ME1: variants seen among roughly 807,000 people sequenced by gnomAD.
ME1 encodes NADP-dependent malic enzyme.
A neutral mutation model predicts 66.4 loss-of-function variants in ME1; 74 were observed. The observed-to-expected ratio is 1.11, with a 90% CI of 0.92 to 1.35. The LOEUF is 1.35. Among genes scored for constraint, ME1 ranks in the 40% most tolerant of loss-of-function variants. The probability of loss-of-function intolerance (pLI) is 0.00; values close to 1 mark genes in which losing one functional copy is unlikely to be tolerated. For synonymous variants in ME1, 251 were observed against 235.6 expected, an observed-to-expected ratio of 1.07 and a Z score of -0.60; for missense variants, 750 against 694.1, an observed-to-expected ratio of 1.08 and a Z score of -0.90.
chr6:83,307,884 G>T (rs916782458), intron 6 of ME1, among the ~76,000 whole-genome samples: 5 of 152,012 alleles, frequency 3.3e-5, no homozygotes, highest in Admixed American at 3.3e-4. Flanking sequence ...AATAATTAAA[G>T]AAATAAATTT....
At chr6:83,422,519 A>G (rs1770287650) in intron 1 of ME1, among the ~76,000 whole-genome samples, 1 of 152,242 alleles carries the variant, frequency 6.6e-6, no homozygotes, top group Non-Finnish European at 1.5e-5. Flanking sequence ...ACCAATCCTG[A>G]GGTGTCAGAC....
chr6:83,393,366 C>G, intron 3 of ME1: 1 of 877,978 alleles, frequency 1.1e-6, no homozygotes. Flanking sequence ...GCTGCAGCAA[C>G]AGGGTGGTGG....
intron 9 of ME1, among the ~76,000 whole-genome samples, chr6:83,233,498 T>C (rs1451941412): frequency 1.3e-5 from 2 of 152,164 alleles, no homozygotes; most frequent in East Asian, 1.9e-4. Flanking sequence ...GTGTAAATGA[T>C]GGAAAATGCT....
chr6:83,327,459 C>T lies in ME1; in HGVS notation c.601-12046G>A, dbSNP rs140319600. Among the ~76,000 whole-genome samples, 153 of 152,088 alleles carry T rather than the reference C, an allele frequency of 1.0e-3. 1 individual carries two copies. The highest frequency in any genetic ancestry group is 1.4e-3 in the Non-Finnish European group (95 of 67,960). ...ACCTAGGGGTAGGTCTCTGAACTGG[C>T]CCCCCCGGGGCACACCTGTCTCTTA... is the stretch of plus-strand genomic sequence containing the variant. On this transcript the variant is annotated intron_variant, in intron 5 of 13. Transcript: ENST00000369705.
At chr6:83,430,133 G>A (rs1168341516) in intron 1 of ME1, among the ~76,000 whole-genome samples, 2 of 152,106 alleles carry the variant, frequency 1.3e-5, no homozygotes, top group African/African-American at 2.4e-5. Flanking sequence ...TTAATAAAAA[G>A]AGAGCAGCTC....
At chr6:83,351,138 T>C (rs1192279649) in intron 4 of ME1, among the ~76,000 whole-genome samples, 3 of 152,106 alleles carry the variant, frequency 2.0e-5, no homozygotes, top group Admixed American at 6.6e-5. Flanking sequence ...CTCACACCTA[T>C]TGTTTCAATA....
chr6:83,378,558 A>G (rs1377146662), intron 3 of ME1, among the ~76,000 whole-genome samples: 1 of 152,184 alleles, frequency 6.6e-6, no homozygotes, highest in Admixed American at 6.6e-5. Context: ...ATCTTTGCCG[A>G]AGACAGTTTG....
intron 3 of ME1, among the ~76,000 whole-genome samples, chr6:83,361,220 G>T (rs1243906908): frequency 3.3e-5 from 5 of 152,188 alleles, no homozygotes; most frequent in Non-Finnish European, 5.9e-5. Flanking sequence ...AAAATTCAGT[G>T]ATCACCTACC....
intron 6 of ME1, among the ~76,000 whole-genome samples, chr6:83,271,357 T>C (rs749959991): frequency 6.6e-6 from 1 of 152,192 alleles, no homozygotes; most frequent in Non-Finnish European, 1.5e-5. Context: ...AAAAGAGCTG[T>C]GTGGCAGTTT....
intron 4 of ME1, among the ~76,000 whole-genome samples, chr6:83,347,550 G>GC (rs1360736376): frequency 6.6e-6 from 1 of 152,136 alleles, no homozygotes; most frequent in Non-Finnish European, 1.5e-5. Context: ...TTTCAGAGTA[G>GC]CTGTATAAAA....
chr6:83,397,452 C>G (rs1055870078), intron 3 of ME1, among the ~76,000 whole-genome samples: 2 of 152,094 alleles, frequency 1.3e-5, no homozygotes, highest in African/African-American at 2.4e-5. Context: ...GTTAGAACGG[C>G]TATACCAAAA....
At chr6:83,343,998 C>T (rs912870086) in intron 5 of ME1, among the ~76,000 whole-genome samples, 3 of 151,224 alleles carry the variant, frequency 2.0e-5, no homozygotes, top group African/African-American at 7.3e-5. Flanking sequence ...CAATAAATGG[C>T]CAAGGTTTAA....
At chr6:83,229,389 T>G (rs1310591076) in intron 9 of ME1, among the ~76,000 whole-genome samples, 1 of 152,226 alleles carries the variant, frequency 6.6e-6, no homozygotes, top group Non-Finnish European at 1.5e-5. Context: ...TTAGATTTTC[T>G]CAGTAAGTAT....
intron 6 of ME1, among the ~76,000 whole-genome samples, chr6:83,308,083 G>A (rs1180620953): frequency 6.6e-6 from 1 of 151,984 alleles, no homozygotes; most frequent in Non-Finnish European, 1.5e-5. Flanking sequence ...ATCACACCTG[G>A]CAGCAAATGG....
At chr6:83,341,570 T>C (rs1768586642) in intron 5 of ME1, among the ~76,000 whole-genome samples, 2 of 152,198 alleles carry the variant, frequency 1.3e-5, no homozygotes, top group African/African-American at 2.4e-5. Flanking sequence ...ACAAGAACTC[T>C]AGTTGATCAT....
chr6:83,311,677 T>A (rs1767934056), intron 6 of ME1, among the ~76,000 whole-genome samples: 1 of 152,054 alleles, frequency 6.6e-6, no homozygotes, highest in Non-Finnish European at 1.5e-5. Flanking sequence ...ATTTCAGTGG[T>A]GGTTCTCCCC....
intron 6 of ME1, among the ~76,000 whole-genome samples, chr6:83,266,638 T>C (rs1766995606): frequency 6.6e-6 from 1 of 152,200 alleles, no homozygotes; most frequent in South Asian, 2.1e-4. Context: ...TCTCATATAC[T>C]GAGGACATCA....
chr6:83,403,583 C>G (rs557939481), intron 2 of ME1, among the ~76,000 whole-genome samples: 1 of 152,046 alleles, frequency 6.6e-6, no homozygotes, highest in Non-Finnish European at 1.5e-5. Flanking sequence ...TTTGCTGCAC[C>G]TATAGACTGT....
At chr6:83,412,694 A>G (rs905559811) in intron 1 of ME1, among the ~76,000 whole-genome samples, 1 of 152,022 alleles carries the variant, frequency 6.6e-6, no homozygotes, top group Non-Finnish European at 1.5e-5. Context: ...TACACAAAAC[A>G]TAGATGAATC....
Sources: gnomAD v4.1 joint callset for allele counts (sites outside exome capture counted in the v4.1 genomes callset) on GRCh38, gnomAD v4.1.1 for gene constraint, MANE v1.5 for transcripts, NCBI Gene and HGNC (gene_info 2026-07-23, HGNC 2026-07-21) for gene names.